The following RELCH variants were observed in gnomAD, a reference collection of about 807,000 sequenced individuals.
RELCH encodes the protein RAB11-binding protein RELCH.
In RELCH, 41 loss-of-function variants were observed where a neutral mutation model predicts 150.3. The ratio of observed to expected loss-of-function variants is 0.27; its 90% CI spans 0.21 to 0.35. The LOEUF (loss-of-function observed/expected upper bound fraction) is 0.35. Ranked by LOEUF, RELCH falls within the 10% of genes least tolerant of loss-of-function variation. The pLI is 1.00. For missense variants in RELCH, 1,092 were observed against 1,467.8 expected, an observed-to-expected ratio of 0.74 and a Z score of 4.18; for synonymous variants, 478 against 531.8, an observed-to-expected ratio of 0.90 and a Z score of 1.39.
chr18:62,212,606 A>G (rs2040238545), intron 2 of RELCH, among the ~76,000 whole-genome samples: 2 of 152,176 alleles, frequency 1.3e-5, no homozygotes, highest in South Asian at 4.1e-4. Context: ...CATTTGTTCC[A>G]TTCTAAACAC....
At chr18:62,280,306 GTTC>G in intron 23 of RELCH, 1 of 1,464,796 alleles carries the variant, frequency 6.8e-7, no homozygotes, top group African/African-American at 1.4e-5. Context: ...AGCTAACCCA[GTTC>G]TTATTCCAGT....
At chr18:62,241,223 TA>T (rs1243215212) in intron 10 of RELCH, among the ~76,000 whole-genome samples, 1 of 152,166 alleles carries the variant, frequency 6.6e-6, no homozygotes, top group African/African-American at 2.4e-5. Flanking sequence ...CTTTGTCTAA[TA>T]AATCTGCCTT....
At chr18:62,233,829 T>A (rs1334165686) in intron 10 of RELCH, among the ~76,000 whole-genome samples, 1 of 151,936 alleles carries the variant, frequency 6.6e-6, no homozygotes, top group Admixed American at 6.6e-5. Flanking sequence ...TTTTTCATAT[T>A]ATCATAAAAG....
chr18:62,234,013 T>A (rs1044989439), intron 10 of RELCH, among the ~76,000 whole-genome samples: 10 of 151,990 alleles, frequency 6.6e-5, no homozygotes, highest in African/African-American at 2.2e-4. Context: ...AATATATATT[T>A]CATGAAAAAC....
intron 23 of RELCH, 143 bp from the exon 24 acceptor site, chr18:62,280,503 G>C: frequency 4.0e-6 from 6 of 1,502,568 alleles, no homozygotes; most frequent in Non-Finnish European, 5.5e-6. Context: ...ATTCTTCTTG[G>C]TCTGCTTTTT....
chr18:62,231,161 G>C lies in RELCH; in HGVS notation c.1449-33G>C, dbSNP rs551594079. 4 of 1,308,756 alleles carry C rather than the reference G, an allele frequency of 3.1e-6. No individual in the cohort carries two copies. In the East Asian group the frequency reaches 9.3e-5, roughly 31 times the overall value. 81.1% of individuals were successfully genotyped at this position (1,308,756 alleles called of 1,614,324 possible). Reference sequence around the variant, plus strand: ...CCTTAAATGTCAATGGTAATTATTTGATATTGTCTCTTTTTCATACATTTT... The same window carrying C: ...CCTTAAATGTCAATGGTAATTATTTCATATTGTCTCTTTTTCATACATTTT... On this transcript the variant is annotated intron_variant, in intron 8 of 28. Coordinates refer to ENST00000644646, the MANE Select transcript of RELCH (RefSeq NM_001346231.2).
chr18:62,269,166 A>G (rs1411969605), intron 20 of RELCH, among the ~76,000 whole-genome samples: 3 of 152,094 alleles, frequency 2.0e-5, no homozygotes, highest in Non-Finnish European at 2.9e-5. Context: ...GAGCTTTTTG[A>G]TATTTTGTTA....
rs553986033 is a variant in RELCH, at chr18:62,228,134, G to A, written c.1155-171G>A. On this transcript the variant is annotated intron_variant, in intron 7 of 28. Transcript: ENST00000644646. Reference sequence around the variant, plus strand: ...CTTGAGTTTATAGCTACAGTTTTAGGTATATGAAGCATCAGTGAATATTGC... The same window carrying A: ...CTTGAGTTTATAGCTACAGTTTTAGATATATGAAGCATCAGTGAATATTGC... 2.3e-3 allele frequency among the ~76,000 whole-genome samples: 350 copies of A among 152,182 alleles called. 5 individuals are homozygous for A. Among genetic ancestry groups the A allele is most frequent in the South Asian group, 0.011 (53 of 4,818 alleles).
intron 1 of RELCH, among the ~76,000 whole-genome samples, chr18:62,207,574 A>G (rs1264727321): frequency 4.6e-5 from 7 of 152,232 alleles, no homozygotes; most frequent in Non-Finnish European, 1.0e-4. Flanking sequence ...GCTAAACTGT[A>G]TTCCAAAATG....
rs1212733820 is a variant in RELCH at position 62,187,495 on chromosome 18, G to C, written c.-11G>C. ...CAGTCAGGGAGGCGCCCACACTCCT[G>C]ACAGGATAAGATGGCGGCGATGGCG... On this transcript the variant is annotated 5_prime_UTR_variant, in exon 1 of 29. Transcript: ENST00000644646. 6.6e-7 allele frequency: 1 copy of C among 1,511,402 alleles called. No individual in the cohort carries two copies. The highest frequency in any genetic ancestry group is 8.8e-7 in the Non-Finnish European group (1 of 1,131,004). 93.6% of individuals were successfully genotyped at this position (1,511,402 alleles called of 1,614,324 possible).
At chr18:62,249,112 G>A (rs1411034507) in intron 11 of RELCH, among the ~76,000 whole-genome samples, 1 of 152,176 alleles carries the variant, frequency 6.6e-6, no homozygotes, top group South Asian at 2.1e-4. Context: ...TAATAGAATT[G>A]TACTTAATGA....
At chr18:62,189,259 G>GTTTTTTTTTTTTTTTTTTT in intron 1 of RELCH, among the ~76,000 whole-genome samples, 1 of 118,080 alleles carries the variant, frequency 8.5e-6, no homozygotes, top group Non-Finnish European at 1.8e-5. Context: ...GTCTTTTTTT[G>GTTTTTTTTTTTTTTTTTTT]TTTTTTTTTT....
chr18:62,210,776 A>T (rs1465709336), intron 1 of RELCH, among the ~76,000 whole-genome samples: 1 of 152,130 alleles, frequency 6.6e-6, no homozygotes, highest in Non-Finnish European at 1.5e-5. Context: ...TGACTGTGTG[A>T]TGGATAATGT....
chr18:62,234,169 A>G (rs1482342790), intron 10 of RELCH, among the ~76,000 whole-genome samples: 1 of 152,052 alleles, frequency 6.6e-6, no homozygotes, highest in African/African-American at 2.4e-5. Context: ...ATCCCTGGGC[A>G]TAACAGAACA....
Position 62,228,483 on chromosome 18 carries a change from G to A in RELCH, c.1333G>A (p.Asp445Asn), listed in dbSNP as rs2041351646. The A allele has an allele frequency of 6.2e-7, 1 of 1,613,348 alleles. No individual in the cohort carries two copies. The highest frequency in any genetic ancestry group is 2.2e-5 in the East Asian group (1 of 44,806). The stretch of plus-strand genomic sequence containing the variant: ...CCATCTTTCAATATCAGATGAAGCT[G>A]ATTCCACTATTCCTAAAGAGAATTC... ...DIHLSISDEA[D>N]STIPKENSPN... Residue 445 changes from aspartate (D) to asparagine (N), a missense_variant, in exon 8 of 29, where the codon GAT (aspartate) becomes AAT (asparagine). By Grantham distance (23) the Asp-to-Asn change is conservative. Coordinates refer to ENST00000644646, the MANE Select transcript of RELCH (RefSeq NM_001346231.2).
At chr18:62,224,072 C>T (rs754788606) in intron 5 of RELCH, among the ~76,000 whole-genome samples, 1 of 151,974 alleles carries the variant, frequency 6.6e-6, no homozygotes, top group Non-Finnish European at 1.5e-5. Flanking sequence ...GCACCCATCA[C>T]CTCGTCATTT....
intron 13 of RELCH, among the ~76,000 whole-genome samples, chr18:62,256,024 G>A (rs970441891): frequency 6.6e-6 from 1 of 152,022 alleles, no homozygotes; most frequent in Admixed American, 6.6e-5. Flanking sequence ...ATTTTGACCT[G>A]TGAAGCATGC....
intron 5 of RELCH, among the ~76,000 whole-genome samples, chr18:62,225,899 G>GATT (rs1211862065): frequency 3.3e-5 from 5 of 151,726 alleles, no homozygotes; most frequent in Non-Finnish European, 7.4e-5. Context: ...AACCCTAAGA[G>GATT]ATAATAAATA....
At chr18:62,226,623 G>T (rs979131904) in intron 5 of RELCH, among the ~76,000 whole-genome samples, 2 of 151,978 alleles carry the variant, frequency 1.3e-5, no homozygotes, top group African/African-American at 4.8e-5. Flanking sequence ...CATGTTTTAT[G>T]ATGTCATGCA....
Sources: allele counts gnomAD v4.1 joint callset (sites outside exome capture counted in the v4.1 genomes callset), GRCh38; gene constraint gnomAD v4.1.1; transcripts MANE v1.5; gene names NCBI Gene and HGNC (gene_info 2026-07-23, HGNC 2026-07-21).